TCAIM: variants seen among roughly 807,000 people sequenced by gnomAD.
TCAIM encodes T cell activation inhibitor, mitochondrial, also known as T-cell activation inhibitor, mitochondrial.
TCAIM carries 36 observed loss-of-function variants against 58.6 expected under a neutral mutation model. That is an observed-to-expected ratio of 0.61 (90% confidence interval 0.47 to 0.81). TCAIM has a LOEUF of 0.81. Ranked by LOEUF, TCAIM falls within the 30% of genes least tolerant of loss-of-function variation. TCAIM has a pLI of 0.00. For missense variants in TCAIM, 466 were observed against 579.6 expected (o/e 0.80, Z 2.01); for synonymous variants, 172 against 193.6 (o/e 0.89, Z 0.93).
chr3:44,349,283 T>G (rs141733189), intron 1 of TCAIM, among the ~76,000 whole-genome samples: 54 of 152,272 alleles, frequency 3.5e-4, no homozygotes, highest in African/African-American at 1.3e-3. Flanking sequence ...CATTTGCCCA[T>G]TTTACTACAA....
At chr3:44,381,803 A>T (rs534836217) in intron 5 of TCAIM, among the ~76,000 whole-genome samples, 1 of 152,216 alleles carries the variant, frequency 6.6e-6, no homozygotes, top group Non-Finnish European at 1.5e-5. Context: ...TACAAACTCT[A>T]TACACAAAAA....
chr3:44,371,014 A>C (rs1280460857), intron 5 of TCAIM, among the ~76,000 whole-genome samples: 1 of 149,722 alleles, frequency 6.7e-6, no homozygotes, highest in African/African-American at 2.5e-5. Context: ...CGGATTAAGC[A>C]TTCTCCTGCC....
At chr3:44,377,166 T>C (rs1231828308) in intron 5 of TCAIM, among the ~76,000 whole-genome samples, 1 of 151,824 alleles carries the variant, frequency 6.6e-6, no homozygotes, top group Non-Finnish European at 1.5e-5. Context: ...AGATCCGGAG[T>C]TGAAAGTGAA....
intron 1 of TCAIM, among the ~76,000 whole-genome samples, chr3:44,348,052 A>G (rs1202173722): frequency 2.0e-5 from 3 of 152,182 alleles, no homozygotes; most frequent in Admixed American, 2.0e-4. Context: ...ATAAAAGAAT[A>G]TTGTCCAAGT....
chr3:44,386,337 A>G (rs1419621522), intron 5 of TCAIM, among the ~76,000 whole-genome samples: 1 of 152,056 alleles, frequency 6.6e-6, no homozygotes, highest in East Asian at 1.9e-4. Context: ...TATTGATGGC[A>G]GCAGCAGCCC....
At chr3:44,372,011 AAG>A (rs1400737790) in intron 5 of TCAIM, among the ~76,000 whole-genome samples, 117 of 16,374 alleles carry the variant, frequency 7.1e-3, no homozygotes, top group African/African-American at 0.017. Context: ...AGAAAGAGAG[AAG>A]GAAGGAAGGA....
intron 5 of TCAIM, among the ~76,000 whole-genome samples, chr3:44,387,056 T>G (rs1701754821): frequency 6.6e-6 from 1 of 152,090 alleles, no homozygotes. Context: ...TCTGAGCACA[T>G]AAAAACCCCA....
chr3:44,401,417 C>A, intron 10 of TCAIM, 83 bp downstream of exon 10: 1 of 1,528,320 alleles, frequency 6.5e-7, no homozygotes, highest in Non-Finnish European at 8.9e-7. Context: ...AAATATGGGA[C>A]CTGGAAACAG....
chr3:44,375,305 T>C (rs935076639), intron 5 of TCAIM, among the ~76,000 whole-genome samples: 2 of 152,162 alleles, frequency 1.3e-5, no homozygotes, highest in Non-Finnish European at 2.9e-5. Context: ...TTCTGCAGGC[T>C]GTACAAGAAG....
chr3:44,353,014 C>T (rs1701123785), intron 1 of TCAIM, among the ~76,000 whole-genome samples: 1 of 149,566 alleles, frequency 6.7e-6, no homozygotes. Context: ...CCTCTGATTC[C>T]TGGGTTCAAG....
Position 44,401,206 on chromosome 3 carries a change from C to T in TCAIM, c.1122C>T (p.Asp374=). 6.2e-7 allele frequency: 1 copy of T among 1,613,612 alleles called. No homozygotes were observed. The highest frequency in any genetic ancestry group is 8.5e-7 in the Non-Finnish European group (1 of 1,179,798). ...TTTAATGTATATTTTATTGCAGTGA[C>T]AGATATGCTCCAAGCTTGCATGAAC... is the stretch of plus-strand genomic sequence containing the variant. ...LRGLQMILNS[D]RYAPSLHELG... is the part of the protein sequence containing the mutation. The change falls in exon 10 of 11, where the codon GAC becomes GAT. Residue 374 remains aspartate, a synonymous_variant. Coordinates refer to ENST00000342649, the MANE Select transcript of TCAIM (RefSeq NM_173826.4).
At chr3:44,397,234 A>G (rs542806851) in intron 8 of TCAIM, among the ~76,000 whole-genome samples, 2 of 152,314 alleles carry the variant, frequency 1.3e-5, no homozygotes, top group South Asian at 4.1e-4. Flanking sequence ...ATCACAGTCA[A>G]GATAGCAAAC....
At chr3:44,393,327 G>T (rs149807176) in intron 6 of TCAIM, among the ~76,000 whole-genome samples, 305 of 151,936 alleles carry the variant, frequency 2.0e-3, no homozygotes, top group African/African-American at 6.2e-3. Flanking sequence ...TAGGCACTAT[G>T]GCCTGCACCT....
At chr3:44,402,246 G>A (rs550851105) in intron 10 of TCAIM, among the ~76,000 whole-genome samples, 5 of 150,596 alleles carry the variant, frequency 3.3e-5, no homozygotes, top group Non-Finnish European at 7.4e-5. Context: ...GCAATATGGT[G>A]GGGAAAAAAA....
intron 5 of TCAIM, among the ~76,000 whole-genome samples, chr3:44,371,826 C>T (rs1447311111): frequency 1.3e-5 from 2 of 152,118 alleles, no homozygotes; most frequent in South Asian, 4.1e-4. Context: ...ATCATAAAAG[C>T]TGGAATGGTA....
chr3:44,355,623 G>A (rs1029501727), intron 2 of TCAIM, among the ~76,000 whole-genome samples: 4 of 152,196 alleles, frequency 2.6e-5, no homozygotes, highest in Non-Finnish European at 5.9e-5. Context: ...AAGAAGGAAT[G>A]ATTTCATTGA....
At chr3:44,344,065 C>T (rs996580066) in intron 1 of TCAIM, among the ~76,000 whole-genome samples, 3 of 150,152 alleles carry the variant, frequency 2.0e-5, no homozygotes, top group South Asian at 2.1e-4. Context: ...TCCATCACCC[C>T]GGTTGGAGTG....
intron 5 of TCAIM, among the ~76,000 whole-genome samples, chr3:44,381,417 C>G (rs1405373586): frequency 1.3e-5 from 2 of 151,784 alleles, no homozygotes; most frequent in African/African-American, 4.8e-5. Flanking sequence ...TGATCAAATG[C>G]AAAAAGTATT....
intron 6 of TCAIM, among the ~76,000 whole-genome samples, chr3:44,394,029 G>A (rs761835425): frequency 3.3e-5 from 5 of 152,278 alleles, no homozygotes; most frequent in African/African-American, 9.6e-5. Flanking sequence ...AGGAAAAATC[G>A]TCATCCAGTC....
Sources: gnomAD v4.1 joint callset for allele counts (sites outside exome capture counted in the v4.1 genomes callset) on GRCh38, gnomAD v4.1.1 for gene constraint, MANE v1.5 for transcripts, NCBI Gene and HGNC (gene_info 2026-07-23, HGNC 2026-07-21) for gene names.